The following CIRSR variants were observed in gnomAD, a reference collection of about 807,000 sequenced individuals.
The protein encoded by CIRSR is corepressor of RBPJ and splicing regulator.
At chr2:174,379,215 A>T in the CIRSR span, among the ~76,000 whole-genome samples, 18 of 152,314 alleles carry the variant, frequency 1.2e-4, no homozygotes, top group African/African-American at 3.8e-4. Flanking sequence ...TTTCACTATA[A>T]ATTTTGCCTA....
the CIRSR span, among the ~76,000 whole-genome samples, chr2:174,349,770 G>A: frequency 6.6e-6 from 1 of 152,052 alleles, no homozygotes; most frequent in Admixed American, 6.6e-5. Flanking sequence ...AAATTATATA[G>A]CACTCTAAAG....
chr2:174,359,206 C>T, the CIRSR span, among the ~76,000 whole-genome samples: 1 of 151,930 alleles, frequency 6.6e-6, no homozygotes, highest in Non-Finnish European at 1.5e-5. Context: ...AGAAGGCAGC[C>T]TGGAAAAGGA....
At chr2:174,375,339 A>T in the CIRSR span, among the ~76,000 whole-genome samples, 1 of 152,214 alleles carries the variant, frequency 6.6e-6, no homozygotes, top group Non-Finnish European at 1.5e-5. Context: ...TGGGCACGGT[A>T]TATCACACCT....
At chr2:174,385,273 A>G in the CIRSR span, among the ~76,000 whole-genome samples, 1 of 151,644 alleles carries the variant, frequency 6.6e-6, no homozygotes, top group Non-Finnish European at 1.5e-5. Flanking sequence ...GTATAAAGCG[A>G]CTAAGGTGAT....
At chr2:174,380,750 CCATATAATACAATCAACTGCAAGTAAATT>C in the CIRSR span, 5 of 1,606,798 alleles carry the variant, frequency 3.1e-6, no homozygotes, top group African/African-American at 6.7e-5. Context: ...TTTAATTTTT[CCATATAATACAATCAACTGCAAGTAAATT>C]CAGACATAGA....
At chr2:174,390,413 T>C in the CIRSR span, among the ~76,000 whole-genome samples, 1 of 152,274 alleles carries the variant, frequency 6.6e-6, no homozygotes, top group Non-Finnish European at 1.5e-5. Context: ...TGGGTGTATT[T>C]ACCCAATGCC....
chr2:174,377,419 G>A, the CIRSR span, among the ~76,000 whole-genome samples: 1 of 152,278 alleles, frequency 6.6e-6, no homozygotes, highest in East Asian at 1.9e-4. Flanking sequence ...GTATCAGTGG[G>A]ATGTTCTTTT....
At chr2:174,359,172 A>T in the CIRSR span, among the ~76,000 whole-genome samples, 3 of 152,148 alleles carry the variant, frequency 2.0e-5, no homozygotes, top group Non-Finnish European at 4.4e-5. Context: ...CTGGATTAGG[A>T]ATTAGAAAAA....
At chr2:174,381,049 C>T in the CIRSR span, among the ~76,000 whole-genome samples, 4 of 151,968 alleles carry the variant, frequency 2.6e-5, no homozygotes, top group African/African-American at 7.3e-5. Context: ...TTTCACTGTT[C>T]ATTGACAGTG....
At chr2:174,381,673 A>C in the CIRSR span, 1 of 1,548,254 alleles carries the variant, frequency 6.5e-7, no homozygotes, top group Non-Finnish European at 8.7e-7. Flanking sequence ...AAAAAAAAGA[A>C]AGAAAAAAAG....
the CIRSR span, among the ~76,000 whole-genome samples, chr2:174,367,509 G>A: frequency 6.6e-6 from 1 of 152,086 alleles, no homozygotes; most frequent in Non-Finnish European, 1.5e-5. Context: ...GAACCCTGGA[G>A]GCGGAGGTTG....
At chr2:174,391,343 C>T in the CIRSR span, among the ~76,000 whole-genome samples, 1 of 152,080 alleles carries the variant, frequency 6.6e-6, no homozygotes, top group Non-Finnish European at 1.5e-5. Context: ...CATATAAAAT[C>T]TTAGGTTGGG....
chr2:174,388,385 G>A, the CIRSR span, among the ~76,000 whole-genome samples: 3 of 152,116 alleles, frequency 2.0e-5, no homozygotes, highest in Non-Finnish European at 4.4e-5. Context: ...ATTTTTAGTA[G>A]AGAAGGGGTT....
the CIRSR span, among the ~76,000 whole-genome samples, chr2:174,384,226 A>G: frequency 7.9e-5 from 12 of 152,254 alleles, no homozygotes; most frequent in Non-Finnish European, 1.3e-4. Flanking sequence ...ATTACAACAT[A>G]TATGAACCTT....
chr2:174,380,889 T>C, the CIRSR span: 1 of 1,142,520 alleles, frequency 8.8e-7, no homozygotes, highest in South Asian at 1.4e-5. Flanking sequence ...ATCTACTGTA[T>C]ACACTATGAT....
the CIRSR span, among the ~76,000 whole-genome samples, chr2:174,369,351 G>A: frequency 6.6e-6 from 1 of 152,164 alleles, no homozygotes; most frequent in African/African-American, 2.4e-5. Flanking sequence ...CCTTGCTTTG[G>A]CTTAAGGGAA....
At chr2:174,377,057 G>A in the CIRSR span, among the ~76,000 whole-genome samples, 1 of 152,112 alleles carries the variant, frequency 6.6e-6, no homozygotes, top group South Asian at 2.1e-4. Flanking sequence ...ATACTACTCA[G>A]GATCAGAGTT....
At chr2:174,379,716 C>CTTTTTTTTTTT in the CIRSR span, among the ~76,000 whole-genome samples, 2 of 83,758 alleles carry the variant, frequency 2.4e-5, no homozygotes, top group South Asian at 5.6e-4. Context: ...TGATTCCTGT[C>CTTTTTTTTTTT]TTTTTTTTTT....
chr2:174,391,571 C>G, the CIRSR span, among the ~76,000 whole-genome samples: 7 of 152,082 alleles, frequency 4.6e-5, no homozygotes, highest in African/African-American at 1.4e-4. Flanking sequence ...GCCTGGGCAA[C>G]AGAGTGAGCC....
Sources: allele counts gnomAD v4.1 joint callset (sites outside exome capture counted in the v4.1 genomes callset), GRCh38; gene constraint gnomAD v4.1.1; transcripts MANE v1.5; gene names NCBI Gene and HGNC (gene_info 2026-07-23, HGNC 2026-07-21).